USP26: variants seen among roughly 807,000 people sequenced by gnomAD.
USP26 encodes ubiquitin specific peptidase 26, also known as ubiquitin carboxyl-terminal hydrolase 26.
For synonymous variants in USP26, 236 were observed against 240.6 expected, an observed-to-expected ratio of 0.98 and a Z score of 0.18; for missense variants, 649 against 642.3, an observed-to-expected ratio of 1.01 and a Z score of -0.11.
chrX:133,028,400 C>T (rs2067364419), intron 5 of USP26, 104 bp from the exon 6 acceptor site: 1 of 531,876 alleles, frequency 1.9e-6, no homozygotes, highest in Non-Finnish European at 3.1e-6. Context: ...TTCTAGATAT[C>T]CAGCTCTTCA....
Position 133,026,183 on chromosome X carries a change from G to A in USP26, c.2038C>T (p.Pro680Ser). Residue 680 changes from proline (P) to serine (S), a missense_variant, in exon 6 of 6, where the codon CCA (proline) becomes TCA (serine). Coordinates refer to ENST00000511190, the MANE Select transcript of USP26 (RefSeq NM_031907.3). Reference sequence around the variant, plus strand: ...TCAACTTTTGAGAGAGGTGTGCCTGGGCTGCTGGCAGGTTTACCTCCAGCT... The same window carrying A: ...TCAACTTTTGAGAGAGGTGTGCCTGAGCTGCTGGCAGGTTTACCTCCAGCT... ...HKAGGKPASS[P>S]GTPLSKVDFQ... 8.3e-7 allele frequency: 1 copy of A among 1,210,652 alleles called. No homozygotes were observed. The highest frequency in any genetic ancestry group is 1.1e-6 in the Non-Finnish European group (1 of 895,366).
intron 5 of USP26, among the ~76,000 whole-genome samples, chrX:133,040,135 C>T (rs139139885): frequency 0.012 from 1,299 of 111,720 alleles, 8 homozygotes; most frequent in South Asian, 0.055. Flanking sequence ...ACGATCTTGA[C>T]TCTTTATACA....
At chrX:133,061,607 A>C (rs62601583) in intron 5 of USP26, among the ~76,000 whole-genome samples, 114 of 112,232 alleles carry the variant, frequency 1.0e-3, no homozygotes, top group Non-Finnish European at 1.5e-3. Flanking sequence ...TACCCTGTTA[A>C]TCTCACTGGG....
chrX:133,052,310 G>A (rs1226847423), intron 5 of USP26, among the ~76,000 whole-genome samples: 2 of 111,989 alleles, frequency 1.8e-5, no homozygotes, highest in Non-Finnish European at 3.8e-5. Context: ...AGTTCAGGCA[G>A]CACCACTTGG....
chrX:133,051,316 A>T (rs2067458178), intron 5 of USP26, among the ~76,000 whole-genome samples: 1 of 112,097 alleles, frequency 8.9e-6, no homozygotes, highest in Non-Finnish European at 1.9e-5. Flanking sequence ...ACCATGAGAC[A>T]AGTATAAAGA....
At chrX:133,050,535 A>T (rs1000617229) in intron 5 of USP26, among the ~76,000 whole-genome samples, 2 of 112,086 alleles carry the variant, frequency 1.8e-5, no homozygotes, top group African/African-American at 6.5e-5. Flanking sequence ...AAACACCACA[A>T]ATTGCTCATA....
intron 5 of USP26, among the ~76,000 whole-genome samples, chrX:133,033,975 G>A (rs2067387511): frequency 8.9e-6 from 1 of 111,775 alleles, no homozygotes; most frequent in African/African-American, 3.3e-5. Context: ...TTTCCTCTCT[G>A]CCTGGAATTC....
At chrX:133,044,297 C>T (rs902190489) in intron 5 of USP26, among the ~76,000 whole-genome samples, 1 of 113,464 alleles carries the variant, frequency 8.8e-6, no homozygotes, top group African/African-American at 3.2e-5. Flanking sequence ...GCCCTTCAGC[C>T]CACCGCTGCA....
chrX:133,028,325 C>A (rs2067364005), intron 5 of USP26, 29 bp from the exon 6 acceptor site: 2 of 897,570 alleles, frequency 2.2e-6, no homozygotes, highest in Middle Eastern at 2.9e-4. Flanking sequence ...AGAAATAGTT[C>A]ATTAGTTCTC....
At chrX:133,063,320 G>A (rs1431690155) in intron 5 of USP26, among the ~76,000 whole-genome samples, 1 of 111,312 alleles carries the variant, frequency 9.0e-6, no homozygotes, top group Non-Finnish European at 1.9e-5. Context: ...ATATTATCAC[G>A]GAAAACTTCC....
chrX:133,076,829 A>G (rs1402219691), intron 5 of USP26, among the ~76,000 whole-genome samples: 2 of 111,935 alleles, frequency 1.8e-5, no homozygotes, highest in African/African-American at 6.5e-5. Context: ...CTGGCAAACA[A>G]CTGGATCATA....
At chrX:133,074,915 AT>A (rs1217202071) in intron 5 of USP26, among the ~76,000 whole-genome samples, 3 of 112,283 alleles carry the variant, frequency 2.7e-5, no homozygotes, top group Non-Finnish European at 1.9e-5. Flanking sequence ...GTCAAGTCCT[AT>A]GGCTGAGTGT....
chrX:133,059,186 T>G (rs1713827711), intron 5 of USP26, among the ~76,000 whole-genome samples: 1 of 110,788 alleles, frequency 9.0e-6, no homozygotes, highest in Non-Finnish European at 1.9e-5. Context: ...TTTCATCCCC[T>G]CTCCTAGCAT....
intron 5 of USP26, among the ~76,000 whole-genome samples, chrX:133,057,448 A>T (rs2067479175): frequency 9.0e-6 from 1 of 110,523 alleles, no homozygotes; most frequent in African/African-American, 3.3e-5. Context: ...CTCATTCTCT[A>T]TTGTTTTCCT....
intron 5 of USP26, among the ~76,000 whole-genome samples, chrX:133,037,578 C>G (rs1043647566): frequency 8.9e-6 from 1 of 111,892 alleles, no homozygotes; most frequent in Non-Finnish European, 1.9e-5. Flanking sequence ...GTTACTGTAG[C>G]CTTGTAGTAT....
chrX:133,031,112 T>C (rs1042384667), intron 5 of USP26, among the ~76,000 whole-genome samples: 1 of 111,729 alleles, frequency 9.0e-6, no homozygotes, highest in African/African-American at 3.3e-5. Flanking sequence ...CACAACTTCA[T>C]GAAAACATGT....
intron 4 of USP26, among the ~76,000 whole-genome samples, chrX:133,087,499 G>C (rs2148537903): frequency 8.9e-6 from 1 of 111,985 alleles, no homozygotes; most frequent in Admixed American, 9.5e-5. Flanking sequence ...CTTGAAATTG[G>C]TGATGGTGGA....
intron 5 of USP26, among the ~76,000 whole-genome samples, chrX:133,067,901 G>A (rs2067517542): frequency 9.0e-6 from 1 of 111,685 alleles, no homozygotes; most frequent in South Asian, 3.8e-4. Flanking sequence ...TACAAAGTAA[G>A]AGCAGCTTAT....
chrX:133,054,405 G>A, intron 5 of USP26, among the ~76,000 whole-genome samples: 1 of 111,507 alleles, frequency 9.0e-6, no homozygotes, highest in South Asian at 3.8e-4. Context: ...AACTGAAATG[G>A]ATTCACATAA....
Sources: gnomAD v4.1 joint callset for allele counts (sites outside exome capture counted in the v4.1 genomes callset) on GRCh38, gnomAD v4.1.1 for gene constraint, MANE v1.5 for transcripts, NCBI Gene and HGNC (gene_info 2026-07-23, HGNC 2026-07-21) for gene names.